The following CASP6 variants were observed in gnomAD, a reference collection of about 807,000 sequenced individuals.
The protein encoded by CASP6 is caspase-6.
A neutral mutation model predicts 31.8 loss-of-function variants in CASP6; 20 were observed. The observed-to-expected ratio is 0.63, with a 90% CI of 0.44 to 0.91. The LOEUF (loss-of-function observed/expected upper bound fraction) is 0.91, where lower values mean the gene tolerates loss of function less well. Ranked by LOEUF, CASP6 falls within the 40% of genes least tolerant of loss-of-function variation. CASP6 has a pLI of 0.00. For synonymous variants in CASP6, 130 were observed against 127.8 expected, an observed-to-expected ratio of 1.02 and a Z score of -0.12; for missense variants, 328 against 361.1, an observed-to-expected ratio of 0.91 and a Z score of 0.74.
rs548472888 is a variant in CASP6, at chr4:109,699,409, A to G, written c.41-1067T>C. Reference sequence around the variant, plus strand: ...ATTGATCTAACCTCACTTCTCCTCAAAAAAAATACAAGGTGGGGAATTCAG... The same window carrying G: ...ATTGATCTAACCTCACTTCTCCTCAGAAAAAATACAAGGTGGGGAATTCAG... On this transcript the variant is annotated intron_variant, in intron 1 of 6. Transcript: ENST00000265164. 2.8e-4 allele frequency among the ~76,000 whole-genome samples: 42 copies of G among 150,656 alleles called. 1 individual carries two copies. Among genetic ancestry groups the G allele is most frequent in the Non-Finnish European group, 5.6e-4 (38 of 67,984 alleles).
At chr4:109,674,124 G>A in the CASP6 span, 1 of 1,406,928 alleles carries the variant, frequency 7.1e-7, no homozygotes, top group Non-Finnish European at 1.0e-6. Flanking sequence ...CTAAGCCTTA[G>A]AAGAAGAGAT....
upstream of CASP6, among the ~76,000 whole-genome samples, chr4:109,706,144 T>TATATAC: frequency 1.2e-5 from 1 of 81,522 alleles, no homozygotes; most frequent in Admixed American, 1.1e-4. Flanking sequence ...TATATATATA[T>TATATAC]ATATATATAT....
At chr4:109,665,140 G>A in the CASP6 span, among the ~76,000 whole-genome samples, 5,857 of 152,082 alleles carry the variant, frequency 0.039, 400 homozygotes, top group African/African-American at 0.14. Flanking sequence ...TTACATTAGG[G>A]TTTACTCTTG....
chr4:109,684,030 A>G (rs1489555515), downstream of CASP6, among the ~76,000 whole-genome samples: 1 of 151,510 alleles, frequency 6.6e-6, no homozygotes, highest in African/African-American at 2.4e-5. Flanking sequence ...CTTCAAAGTA[A>G]TGCAGATGTG....
At chr4:109,709,566 A>G in the CASP6 span, among the ~76,000 whole-genome samples, 1 of 152,322 alleles carries the variant, frequency 6.6e-6, no homozygotes, top group East Asian at 1.9e-4. Flanking sequence ...TATGAAATAA[A>G]CAGCCATCTC....
intron 5 of CASP6, among the ~76,000 whole-genome samples, chr4:109,693,057 T>C (rs890530539): frequency 6.6e-6 from 1 of 152,130 alleles, no homozygotes; most frequent in Non-Finnish European, 1.5e-5. Context: ...GAGCTCCCAC[T>C]CAGTTCACAT....
Position 109,690,486 on chromosome 4 carries a change from C to T in CASP6, c.643+364G>A, listed in dbSNP as rs566796230. 1.2e-4 allele frequency among the ~76,000 whole-genome samples: 18 copies of T among 151,422 alleles called. No homozygotes were observed. The South Asian group carries it at 3.8e-3, about 32-fold the overall frequency. The stretch of plus-strand genomic sequence containing the variant: ...GCAGTGAGCCATGATCATGCCATTG[C>T]ACTTCAGCCTCAGTGACAGAGTTGA... On this transcript the variant is annotated intron_variant, in intron 6 of 6. Coordinates refer to ENST00000265164, the MANE Select transcript of CASP6 (RefSeq NM_001226.4).
chr4:109,703,359 CCGGGTGCCCCCTG>C lies in CASP6; in HGVS notation c.24_36del (p.Arg9GlnfsTer7). 1.2e-6 allele frequency: 2 copies of C among 1,610,212 alleles called. No homozygotes were observed. Among genetic ancestry groups the C allele is most frequent in the Non-Finnish European group, 1.7e-6 (2 of 1,178,640 alleles). Reference sequence around the variant, plus strand: ...CCAGTCGACGCCCCCTGCCTACCTGCCGGGTGCCCCCTGCGGAGCCCCGAGGCCGAGCTCATTG... The same window carrying C: ...CCAGTCGACGCCCCCTGCCTACCTGCCGGAGCCCCGAGGCCGAGCTCATTG... On this transcript the variant is annotated frameshift_variant, in exon 1 of 7. Transcript: ENST00000265164. LOFTEE classifies it high-confidence loss of function.
upstream of CASP6, chr4:109,703,633 A>G: frequency 1.7e-6 from 1 of 572,476 alleles, no homozygotes; most frequent in South Asian, 2.3e-5. Flanking sequence ...GGGGGCAGGG[A>G]GAGGTACGCG....
At chr4:109,680,004 G>C in the CASP6 span, among the ~76,000 whole-genome samples, 4 of 152,122 alleles carry the variant, frequency 2.6e-5, no homozygotes, top group African/African-American at 9.7e-5. Context: ...GTTTCACCCT[G>C]TTGGCCAGGC....
At chr4:109,679,611 G>A in the CASP6 span, among the ~76,000 whole-genome samples, 2 of 152,344 alleles carry the variant, frequency 1.3e-5, no homozygotes, top group South Asian at 4.1e-4. Context: ...AAGAGAGGGA[G>A]ACTGGGAGAC....
the CASP6 span, among the ~76,000 whole-genome samples, chr4:109,669,674 A>G: frequency 3.6e-3 from 546 of 149,856 alleles, 10 homozygotes; most frequent in East Asian, 0.07. Context: ...TGGCTGTCCT[A>G]AAGTTCTTAG....
upstream of CASP6, among the ~76,000 whole-genome samples, chr4:109,704,701 A>T (rs1730545373): frequency 6.6e-6 from 1 of 152,232 alleles, no homozygotes; most frequent in South Asian, 2.1e-4. Context: ...TGATAAAGGC[A>T]GCTACACTAA....
chr4:109,664,772 G>T, the CASP6 span, among the ~76,000 whole-genome samples: 2 of 152,130 alleles, frequency 1.3e-5, no homozygotes, highest in Non-Finnish European at 2.9e-5. Context: ...AGGGGTATAA[G>T]TGATCACCTA....
At chr4:109,687,827 T>C, downstream of CASP6, 1 of 480,504 alleles carries the variant, frequency 2.1e-6, no homozygotes, top group Non-Finnish European at 3.7e-6. Context: ...TGCTGTTAGC[T>C]AAAAATCCTT....
chr4:109,701,940 T>C (rs930470169), intron 1 of CASP6, among the ~76,000 whole-genome samples: 4 of 152,174 alleles, frequency 2.6e-5, no homozygotes, highest in Admixed American at 1.3e-4. Context: ...TTCTAAACTT[T>C]GTTCAACTTC....
At chr4:109,668,340 G>A in the CASP6 span, among the ~76,000 whole-genome samples, 1 of 152,082 alleles carries the variant, frequency 6.6e-6, no homozygotes, top group East Asian at 1.9e-4. Flanking sequence ...TACACATTAA[G>A]CATTGTTCTG....
chr4:109,692,456 T>C (rs1373791060), intron 5 of CASP6: 1 of 152,192 alleles, frequency 6.6e-6, no homozygotes, highest in Non-Finnish European at 1.5e-5. Flanking sequence ...TGGAAAACGA[T>C]TTCATTTGTG....
chr4:109,705,988 AAAAAAAAAAAAAAATATAT>A (rs1195000167), upstream of CASP6, among the ~76,000 whole-genome samples: 1 of 68,834 alleles, frequency 1.5e-5, no homozygotes, highest in African/African-American at 8.0e-5. Flanking sequence ...AAAAAAAAAA[AAAAAAAAAAAAAAATATAT>A]ATATATATAT....
Sources: allele counts gnomAD v4.1 joint callset (sites outside exome capture counted in the v4.1 genomes callset), GRCh38; gene constraint gnomAD v4.1.1; transcripts MANE v1.5; gene names NCBI Gene and HGNC (gene_info 2026-07-23, HGNC 2026-07-21).